GRK4: variants seen among roughly 807,000 people sequenced by gnomAD.
GRK4 encodes the protein G protein-coupled receptor kinase 4, also known as G protein-coupled receptor kinase 2-like.
Under a neutral mutation model 77.9 loss-of-function variants are expected in GRK4, and 73 were observed. The ratio of observed to expected loss-of-function variants is 0.94; its 90% confidence interval spans 0.78 to 1.14. The LOEUF (loss-of-function observed/expected upper bound fraction) is 1.14, where lower values mean the gene tolerates loss of function less well. Ranked by LOEUF, GRK4 falls within the 50% of genes most tolerant of loss-of-function variation. GRK4 has a pLI of 0.00. For missense variants in GRK4, 729 were observed against 700.2 expected, an observed-to-expected ratio of 1.04 and a Z score of -0.46; for synonymous variants, 257 against 254.4, an observed-to-expected ratio of 1.01 and a Z score of -0.10.
intron 8 of GRK4, among the ~76,000 whole-genome samples, chr4:3,016,989 T>G (rs1366940946): frequency 6.6e-5 from 10 of 152,254 alleles, no homozygotes; most frequent in Admixed American, 6.5e-4. Context: ...TGTTCATCCC[T>G]GCTGCGCCCT....
chr4:2,989,319 A>G (rs1015286683), intron 3 of GRK4, among the ~76,000 whole-genome samples: 1 of 152,230 alleles, frequency 6.6e-6, no homozygotes, highest in East Asian at 1.9e-4. Flanking sequence ...TTACGTCTCA[A>G]GTGTTGGAGA....
Position 3,022,429 on chromosome 4 carries a change from G to C in GRK4, c.948G>C (p.Glu316Asp). ...TTTCTTGTAGAGACTTGAAGCCTGA[G>C]AATATTCTCCTTGATGATCGTGGTA... ...ERIVYRDLKP[E>D]NILLDDRGHI... is the part of the protein sequence containing the mutation. The change falls in exon 10 of 16, where the codon GAG becomes GAC. Residue 316 changes from glutamate (E) to aspartate (D), a missense_variant. Physicochemically the swap from Glu to Asp is conservative, Grantham distance 45. Coordinates refer to ENST00000398052, the MANE Select transcript of GRK4 (RefSeq NM_182982.3). The C allele has an allele frequency of 1.2e-6, 2 of 1,613,948 alleles. No homozygotes were observed. The highest frequency in any genetic ancestry group is 1.7e-6 in the Non-Finnish European group (2 of 1,179,964).
rs185980659 is a variant in GRK4, at chr4:2,976,600, A to G, written c.53-7913A>G. ...AGTTGCACCCACCGTTCTTTCCTAGACACATTCTCAAGCTTGAATTTTCTT... is the reference window on the plus strand; with the variant it reads ...AGTTGCACCCACCGTTCTTTCCTAGGCACATTCTCAAGCTTGAATTTTCTT... On this transcript the variant is annotated intron_variant, in intron 1 of 15. Transcript: ENST00000398052. 1.1e-4 allele frequency among the ~76,000 whole-genome samples: 16 copies of G among 148,354 alleles called. No homozygotes were observed. The East Asian group carries it at 3.2e-3, about 29-fold the overall frequency.
chr4:2,982,556 G>A lies in GRK4; in HGVS notation c.53-1957G>A, dbSNP rs116243126. ...ATGTAAGCCATGTCTCAGGGCACTT[G>A]TAGATCATGCTTGTTTTCCACTTGT... On this transcript the variant is annotated intron_variant, in intron 1 of 15. Coordinates refer to ENST00000398052, the MANE Select transcript of GRK4 (RefSeq NM_182982.3). 9.0e-3 allele frequency among the ~76,000 whole-genome samples: 1,366 copies of A among 152,328 alleles called. 24 individuals carry two copies. The highest frequency in any genetic ancestry group is 0.031 in the African/African-American group (1,272 of 41,566).
chr4:3,002,148 C>T (rs572627057), intron 4 of GRK4, among the ~76,000 whole-genome samples: 1 of 152,054 alleles, frequency 6.6e-6, no homozygotes, highest in East Asian at 1.9e-4. Flanking sequence ...AGGAATCTAT[C>T]CTATAGAAAT....
intron 7 of GRK4, among the ~76,000 whole-genome samples, chr4:3,013,191 C>G (rs1457857133): frequency 2.6e-5 from 4 of 151,704 alleles, no homozygotes; most frequent in Non-Finnish European, 5.9e-5. Flanking sequence ...CTACAGGCAC[C>G]CGCCACCATG....
intron 4 of GRK4, among the ~76,000 whole-genome samples, chr4:2,993,731 G>C (rs975440902): frequency 1.3e-5 from 2 of 152,024 alleles, no homozygotes; most frequent in African/African-American, 2.4e-5. Context: ...AATACATTAT[G>C]TAATTATCAC....
At chr4:2,974,964 T>C (rs188685482) in intron 1 of GRK4, among the ~76,000 whole-genome samples, 1 of 152,284 alleles carries the variant, frequency 6.6e-6, no homozygotes, top group Admixed American at 6.5e-5. Flanking sequence ...CCACCAAATA[T>C]CCATGCACAG....
At chr4:2,998,982 A>T (rs1277395868) in intron 4 of GRK4, among the ~76,000 whole-genome samples, 1 of 152,214 alleles carries the variant, frequency 6.6e-6, no homozygotes, top group East Asian at 1.9e-4. Context: ...AGCTACAGTA[A>T]TCAAGACAGT....
chr4:2,989,559 C>T (rs899084779), intron 3 of GRK4, among the ~76,000 whole-genome samples: 3 of 152,172 alleles, frequency 2.0e-5, no homozygotes, highest in South Asian at 4.1e-4. Flanking sequence ...CCTTGGCCCC[C>T]CAAAGTGCTG....
Position 3,039,750 on chromosome 4 carries a change from C to T in GRK4, c.1684-822C>T, listed in dbSNP as rs138458601. On this transcript the variant is annotated intron_variant, in intron 15 of 15. Coordinates refer to ENST00000398052, the MANE Select transcript of GRK4 (RefSeq NM_182982.3). ...AAAATAAGCTTTAGGTGGGAAATAT[C>T]TCAAAGTGGCATTTCCCATGGCTGT... is the stretch of plus-strand genomic sequence containing the variant. Among the ~76,000 whole-genome samples, 457 of 148,816 alleles carry T rather than the reference C, an allele frequency of 3.1e-3. 2 individuals carry two copies. The highest frequency in any genetic ancestry group is 5.3e-3 in the Non-Finnish European group (357 of 67,088).
At chr4:2,964,173 C>T in intron 1 of GRK4, 51 bp downstream of exon 1, 1 of 1,476,688 alleles carries the variant, frequency 6.8e-7, no homozygotes, top group African/African-American at 1.4e-5. Flanking sequence ...ACCCCGAATC[C>T]CGGGGAACCC....
intron 5 of GRK4, among the ~76,000 whole-genome samples, chr4:3,005,935 A>C (rs1731194566): frequency 6.6e-6 from 1 of 152,170 alleles, no homozygotes. Flanking sequence ...GTGAGAATTC[A>C]GCGGCCAGTT....
intron 2 of GRK4, among the ~76,000 whole-genome samples, chr4:2,986,055 A>G (rs1724259387): frequency 6.6e-6 from 1 of 151,286 alleles, no homozygotes; most frequent in African/African-American, 2.4e-5. Context: ...TGTATTTTTT[A>G]ACAATAGAAT....
intron 1 of GRK4, among the ~76,000 whole-genome samples, chr4:2,981,066 G>A (rs1187443086): frequency 6.6e-6 from 1 of 152,274 alleles, no homozygotes; most frequent in East Asian, 1.9e-4. Flanking sequence ...ACTGCAAGCA[G>A]CTGCCACTGT....
At chr4:2,987,416 TA>T (rs1724735979) in intron 2 of GRK4, among the ~76,000 whole-genome samples, 1 of 152,234 alleles carries the variant, frequency 6.6e-6, no homozygotes, top group South Asian at 2.1e-4. Flanking sequence ...ACTAGGCTTT[TA>T]AAAAATGATG....
chr4:3,037,071 A>ATGTGTGTG (rs1740893187), intron 13 of GRK4, among the ~76,000 whole-genome samples: 1 of 75,160 alleles, frequency 1.3e-5, no homozygotes, highest in Admixed American at 1.5e-4. Flanking sequence ...GTGTGTGTGT[A>ATGTGTGTG]TGTGTGTGTG....
chr4:3,013,558 CGGTCTCGGCTCCTCATGCACTGCTGCT>C, intron 7 of GRK4, 103 bp from the exon 8 acceptor site: 2 of 1,054,094 alleles, frequency 1.9e-6, no homozygotes, highest in Non-Finnish European at 2.8e-6. Flanking sequence ...ACCTTTGAAA[CGGTCTCGGCTCCTCATGCACTGCTGCT>C]GGTCTCTGCC....
At chr4:2,980,441 C>A (rs1722549821) in intron 1 of GRK4, among the ~76,000 whole-genome samples, 1 of 151,934 alleles carries the variant, frequency 6.6e-6, no homozygotes, top group African/African-American at 2.4e-5. Flanking sequence ...GAACACTGAA[C>A]CCCACTCATG....
Sources: gnomAD v4.1 joint callset for allele counts (sites outside exome capture counted in the v4.1 genomes callset) on GRCh38, gnomAD v4.1.1 for gene constraint, MANE v1.5 for transcripts, NCBI Gene and HGNC (gene_info 2026-07-23, HGNC 2026-07-21) for gene names.